Variants in CNTNAP5 observed in about 807,000 individuals in gnomAD.
CNTNAP5 encodes the protein contactin associated protein family member 5.
CNTNAP5 carries 72 observed loss-of-function variants against 150.2 expected under a neutral mutation model. The ratio of observed to expected loss-of-function variants is 0.48; its 90% CI spans 0.40 to 0.58. The LOEUF is 0.58. Among genes scored for constraint, CNTNAP5 ranks in the 20% least tolerant of loss-of-function variants. The pLI is 0.00. For synonymous variants in CNTNAP5, 672 were observed against 619.8 expected (o/e 1.08, Z -1.25); for missense variants, 1,636 against 1,626.2 (o/e 1.01, Z -0.10).
intron 1 of CNTNAP5, among the ~76,000 whole-genome samples, chr2:124,065,289 C>G (rs1682125744): frequency 6.6e-6 from 1 of 152,144 alleles, no homozygotes; most frequent in Non-Finnish European, 1.5e-5. Flanking sequence ...AGTTAAGAAG[C>G]TGATAAACAA....
chr2:124,762,383 A>G (rs779829935), intron 14 of CNTNAP5, among the ~76,000 whole-genome samples: 1 of 152,040 alleles, frequency 6.6e-6, no homozygotes, highest in Non-Finnish European at 1.5e-5. Context: ...AATTTTCTAC[A>G]TGTGGTGTGT....
chr2:124,067,761 T>A (rs1209297158), intron 1 of CNTNAP5, among the ~76,000 whole-genome samples: 1 of 152,212 alleles, frequency 6.6e-6, no homozygotes, highest in Non-Finnish European at 1.5e-5. Context: ...GAGAACACAC[T>A]GTTCAATTAT....
intron 1 of CNTNAP5, among the ~76,000 whole-genome samples, chr2:124,170,817 G>A (rs780857030): frequency 3.3e-5 from 5 of 151,904 alleles, no homozygotes; most frequent in African/African-American, 7.3e-5. Context: ...ACAGGTAATT[G>A]GGGAAGAACA....
chr2:124,732,967 C>T (rs1680304556), intron 13 of CNTNAP5, among the ~76,000 whole-genome samples: 1 of 152,128 alleles, frequency 6.6e-6, no homozygotes, highest in South Asian at 2.1e-4. Flanking sequence ...ATAAATGAAA[C>T]AGTGACTTGG....
chr2:124,209,314 A>T (rs77513740), intron 1 of CNTNAP5, among the ~76,000 whole-genome samples: 1 of 152,162 alleles, frequency 6.6e-6, no homozygotes. Flanking sequence ...TAATACTCTT[A>T]TGACCTTCAT....
intron 3 of CNTNAP5, among the ~76,000 whole-genome samples, chr2:124,413,660 T>C (rs1349593670): frequency 6.3e-5 from 4 of 63,332 alleles, no homozygotes; most frequent in African/African-American, 2.5e-4. Flanking sequence ...ATATTCTCAC[T>C]CATAGGTGGG....
intron 8 of CNTNAP5, among the ~76,000 whole-genome samples, chr2:124,510,265 C>CTCTATCTATATA (rs1694529991): frequency 6.9e-5 from 6 of 86,842 alleles, no homozygotes; most frequent in Non-Finnish European, 1.3e-4. Flanking sequence ...ATCTATATAT[C>CTCTATCTATATA]TATATATCTA....
rs959923552 is a variant in CNTNAP5, at chr2:124,417,427, C to G, written c.382-16C>G. The G allele has an allele frequency of 1.2e-6, 2 of 1,611,424 alleles. No individual in the cohort carries two copies. Among genetic ancestry groups the G allele is most frequent in the Admixed American group, 1.7e-5 (1 of 59,948 alleles). The stretch of plus-strand genomic sequence containing the variant: ...TGATAGCACAGACCTCACTGCCTCT[C>G]CTTTCTTCTCTGCAGACCTTTGCAG... On this transcript the variant is annotated splice_polypyrimidine_tract_variant and intron_variant, in intron 3 of 23. Coordinates refer to ENST00000682447, the MANE Select transcript of CNTNAP5 (RefSeq NM_001367498.1).
intron 13 of CNTNAP5, among the ~76,000 whole-genome samples, chr2:124,679,544 C>A (rs1223885688): frequency 6.6e-6 from 1 of 151,668 alleles, no homozygotes; most frequent in Non-Finnish European, 1.5e-5. Flanking sequence ...ATCCTAGAAC[C>A]CAAAATGCTG....
chr2:124,214,206 T>C (rs751956046), intron 1 of CNTNAP5, among the ~76,000 whole-genome samples: 3 of 152,152 alleles, frequency 2.0e-5, no homozygotes, highest in Non-Finnish European at 4.4e-5. Flanking sequence ...TGCTACCTTG[T>C]TATGCTTATG....
chr2:124,566,117 T>C (rs1365446402), intron 11 of CNTNAP5, among the ~76,000 whole-genome samples: 1 of 148,762 alleles, frequency 6.7e-6, no homozygotes, highest in Non-Finnish European at 1.5e-5. Flanking sequence ...GAACACCATA[T>C]ACCTATAGAG....
chr2:124,391,110 A>G (rs1333021735), intron 3 of CNTNAP5, among the ~76,000 whole-genome samples: 1 of 152,220 alleles, frequency 6.6e-6, no homozygotes, highest in Non-Finnish European at 1.5e-5. Context: ...CCATGGATCT[A>G]TATCTTCATC....
chr2:124,537,319 G>A (rs151248335), intron 10 of CNTNAP5, among the ~76,000 whole-genome samples: 122 of 152,264 alleles, frequency 8.0e-4, no homozygotes, highest in Non-Finnish European at 1.5e-3. Context: ...GGAAAATGAT[G>A]CATTTTTGTC....
At chr2:124,913,594 T>G (rs538307897) in intron 23 of CNTNAP5, among the ~76,000 whole-genome samples, 9 of 152,236 alleles carry the variant, frequency 5.9e-5, no homozygotes, top group Admixed American at 5.9e-4. Flanking sequence ...TTAATGAAAA[T>G]GTTTTAGCAA....
At chr2:124,279,469 A>G (rs707498) in intron 3 of CNTNAP5, among the ~76,000 whole-genome samples, 45,238 of 151,772 alleles carry the variant, frequency 0.3, 7,306 homozygotes, top group Admixed American at 0.38. Context: ...ACATTCACTG[A>G]CTCTACACTA....
At chr2:124,222,828 G>A (rs1686358596) in intron 2 of CNTNAP5, among the ~76,000 whole-genome samples, 1 of 150,628 alleles carries the variant, frequency 6.6e-6, no homozygotes, top group African/African-American at 2.4e-5. Context: ...GTTTTTGCTT[G>A]TATGTTTGTT....
chr2:124,624,420 T>C (rs1677677553), intron 12 of CNTNAP5, among the ~76,000 whole-genome samples: 1 of 152,232 alleles, frequency 6.6e-6, no homozygotes. Flanking sequence ...TTTGCTGCTT[T>C]CTTGAATTCC....
At chr2:124,297,425 T>C in intron 3 of CNTNAP5, among the ~76,000 whole-genome samples, 2 of 152,172 alleles carry the variant, frequency 1.3e-5, no homozygotes, top group Non-Finnish European at 2.9e-5. Context: ...AATTGCTTTA[T>C]CTAACTGAGA....
intron 13 of CNTNAP5, among the ~76,000 whole-genome samples, chr2:124,717,468 C>T (rs145034592): frequency 2.0e-4 from 31 of 152,290 alleles, no homozygotes; most frequent in African/African-American, 7.5e-4. Flanking sequence ...GATTGAAACA[C>T]AGACAATTTT....
Sources: allele counts gnomAD v4.1 joint callset (sites outside exome capture counted in the v4.1 genomes callset), GRCh38; gene constraint gnomAD v4.1.1; transcripts MANE v1.5; gene names NCBI Gene and HGNC (gene_info 2026-07-23, HGNC 2026-07-21).